EYS: variants seen among roughly 807,000 people sequenced by gnomAD.
EYS encodes EGF-like photoreceptor maintenance factor.
EYS carries 250 observed loss-of-function variants against 282.1 expected under a neutral mutation model. The observed-to-expected ratio is 0.89, with a 90% confidence interval of 0.80 to 0.98. The LOEUF is 0.98. Ranked by LOEUF, EYS falls within the 50% of genes least tolerant of loss-of-function variation. The pLI is 0.00. For synonymous variants in EYS, 1,355 were observed against 1,282.9 expected (o/e 1.06, Z -1.20); for missense variants, 4,016 against 3,709.0 (o/e 1.08, Z -2.15).
chr6:65,402,374 TAAGTAA>T, intron 7 of EYS, 98 bp downstream of exon 7: 1 of 800,268 alleles, frequency 1.2e-6, no homozygotes, highest in South Asian at 1.6e-5. Context: ...TATATACCAT[TAAGTAA>T]AAGTTAGGGT....
intron 42 of EYS, 113 bp from the exon 43 acceptor site, chr6:63,721,910 G>T (rs2149625896): frequency 1.1e-6 from 1 of 909,602 alleles, no homozygotes; most frequent in Non-Finnish European, 1.6e-6. Flanking sequence ...AAAAGTAACA[G>T]ATCTTGAGCA....
intron 41 of EYS, among the ~76,000 whole-genome samples, chr6:63,755,681 G>T (rs1278370450): frequency 6.6e-6 from 1 of 152,170 alleles, no homozygotes; most frequent in East Asian, 1.9e-4. Context: ...GTCTTTGGTA[G>T]CTTCATGGGG....
At chr6:64,233,545 A>G (rs1049984177) in intron 30 of EYS, among the ~76,000 whole-genome samples, 1 of 152,226 alleles carries the variant, frequency 6.6e-6, no homozygotes, top group Non-Finnish European at 1.5e-5. Flanking sequence ...ATAATTAGCA[A>G]TGTAAAAAAG....
chr6:65,675,681 T>C (rs1237527264), intron 1 of EYS, among the ~76,000 whole-genome samples: 2 of 151,872 alleles, frequency 1.3e-5, no homozygotes, highest in Non-Finnish European at 2.9e-5. Flanking sequence ...CTTTTAATTA[T>C]GGATAGAAAA....
At chr6:64,086,999 T>G (rs1315177709) in intron 31 of EYS, among the ~76,000 whole-genome samples, 1 of 152,146 alleles carries the variant, frequency 6.6e-6, no homozygotes, top group Non-Finnish European at 1.5e-5. Flanking sequence ...TAAGATGCAA[T>G]GTAACTAGCT....
At chr6:65,065,692 C>A (rs555269675) in intron 12 of EYS, among the ~76,000 whole-genome samples, 35 of 152,168 alleles carry the variant, frequency 2.3e-4, no homozygotes, top group Middle Eastern at 3.4e-3. Flanking sequence ...CAGAAAGCAA[C>A]ATCTTTTAAA....
intron 29 of EYS, among the ~76,000 whole-genome samples, chr6:64,332,477 C>T (rs779160976): frequency 2.5e-4 from 38 of 152,262 alleles, no homozygotes; most frequent in Middle Eastern, 3.4e-3. Flanking sequence ...GGGCCTTTAT[C>T]GGATGGTCCC....
intron 13 of EYS, among the ~76,000 whole-genome samples, chr6:65,004,814 A>G (rs1489993947): frequency 6.8e-6 from 1 of 147,434 alleles, no homozygotes; most frequent in African/African-American, 2.4e-5. Flanking sequence ...TTCCCTCTAC[A>G]TTACAATTTA....
At chr6:64,068,704 A>G (rs960677483) in intron 32 of EYS, among the ~76,000 whole-genome samples, 4 of 152,042 alleles carry the variant, frequency 2.6e-5, no homozygotes, top group African/African-American at 9.7e-5. Flanking sequence ...AAAGTCATGA[A>G]TTTATTCTAC....
At chr6:64,688,147 C>G (rs570064235) in intron 22 of EYS, among the ~76,000 whole-genome samples, 1 of 152,056 alleles carries the variant, frequency 6.6e-6, no homozygotes, top group Admixed American at 6.5e-5. Flanking sequence ...AGCGGTCAAT[C>G]AATCTTGTGG....
chr6:64,275,937 C>G (rs1447564994), intron 30 of EYS, among the ~76,000 whole-genome samples: 1 of 151,562 alleles, frequency 6.6e-6, no homozygotes, highest in African/African-American at 2.4e-5. Context: ...TGCACTTCAG[C>G]CTGGATGACA....
chr6:65,669,018 T>A (rs916298991), intron 1 of EYS, among the ~76,000 whole-genome samples: 10 of 152,002 alleles, frequency 6.6e-5, no homozygotes, highest in Non-Finnish European at 8.8e-5. Context: ...AGTTATAAAC[T>A]ATGGATTCTA....
intron 12 of EYS, among the ~76,000 whole-genome samples, chr6:65,273,983 A>C (rs1338346674): frequency 1.3e-5 from 2 of 152,200 alleles, no homozygotes; most frequent in African/African-American, 4.8e-5. Context: ...GACATAAAAC[A>C]TCACTGGTGT....
intron 31 of EYS, among the ~76,000 whole-genome samples, chr6:64,147,827 CAT>C (rs1774570497): frequency 6.6e-6 from 1 of 152,150 alleles, no homozygotes; most frequent in African/African-American, 2.4e-5. Flanking sequence ...CATAAGAGCA[CAT>C]TAGTCTGGAA....
chr6:64,275,445 C>T (rs1768077324), intron 30 of EYS, among the ~76,000 whole-genome samples: 2 of 102,608 alleles, frequency 1.9e-5, no homozygotes, highest in Admixed American at 1.1e-4. Flanking sequence ...TTATCATGTT[C>T]TATTTCTTTT....
intron 1 of EYS, among the ~76,000 whole-genome samples, chr6:65,692,677 AT>A (rs913229185): frequency 1.3e-5 from 2 of 149,862 alleles, no homozygotes; most frequent in African/African-American, 2.4e-5. Flanking sequence ...AAAACATATA[AT>A]TTTTTTGGTT....
intron 14 of EYS, among the ~76,000 whole-genome samples, chr6:64,994,898 T>C (rs967012173): frequency 5.3e-5 from 8 of 152,146 alleles, no homozygotes; most frequent in African/African-American, 1.9e-4. Context: ...AATTCAGGGC[T>C]CAAGCCTACA....
At chr6:65,417,818 C>T (rs1439464565) in intron 5 of EYS, among the ~76,000 whole-genome samples, 4 of 151,956 alleles carry the variant, frequency 2.6e-5, no homozygotes, top group Admixed American at 1.3e-4. Flanking sequence ...TCCATCTCTA[C>T]ATTATTCGTC....
chr6:64,750,290 A>G (rs886941404), intron 22 of EYS, among the ~76,000 whole-genome samples: 3 of 152,070 alleles, frequency 2.0e-5, no homozygotes, highest in Non-Finnish European at 4.4e-5. Context: ...AGATTCTTCT[A>G]TTGGACATAG....
Sources: gnomAD v4.1 joint callset for allele counts (sites outside exome capture counted in the v4.1 genomes callset) on GRCh38, gnomAD v4.1.1 for gene constraint, MANE v1.5 for transcripts, NCBI Gene and HGNC (gene_info 2026-07-23, HGNC 2026-07-21) for gene names.